IGDCC4: variants seen among roughly 807,000 people sequenced by gnomAD.
The protein encoded by IGDCC4 is likely ortholog of mouse neighbor of Punc E11.
Under a neutral mutation model 116.6 loss-of-function variants are expected in IGDCC4, and 72 were observed. That is an observed-to-expected ratio of 0.62 (90% CI 0.51 to 0.75). The LOEUF (loss-of-function observed/expected upper bound fraction) is 0.75. Among genes scored for constraint, IGDCC4 ranks in the 30% least tolerant of loss-of-function variants. The probability of loss-of-function intolerance (pLI) is 0.00; values close to 1 mark genes in which losing one functional copy is unlikely to be tolerated. For synonymous variants in IGDCC4, 709 were observed against 719.9 expected (o/e 0.98, Z 0.24); for missense variants, 1,501 against 1,662.4 (o/e 0.90, Z 1.69).
At chr15:65,407,863 T>C (rs2063054592) in intron 3 of IGDCC4, among the ~76,000 whole-genome samples, 1 of 149,810 alleles carries the variant, frequency 6.7e-6, no homozygotes, top group Non-Finnish European at 1.5e-5. Context: ...CTCGAACTCC[T>C]GACCTTGTGA....
rs560429290 is a variant in IGDCC4, at chr15:65,390,758, A to AATAG, written c.2225-424_2225-421dup. 9.2e-5 allele frequency among the ~76,000 whole-genome samples: 14 copies of AATAG among 152,348 alleles called. No homozygotes were observed. The South Asian group carries it at 2.7e-3, about 29-fold the overall frequency. On this transcript the variant is annotated intron_variant, in intron 12 of 19. Transcript: ENST00000352385. ...GGATTAAATTATTTAATATTTTAAA[A>AATAG]ATAGATAGGAAATTGAAATATAATA...
chr15:65,401,829 C>T lies in IGDCC4; in HGVS notation c.700+522G>A, dbSNP rs534522381. Among the ~76,000 whole-genome samples, 18 of 152,282 alleles carry T rather than the reference C, an allele frequency of 1.2e-4. No homozygotes were observed. In the South Asian group the frequency reaches 1.4e-3, roughly 12 times the overall value. ...AGGATTCAAACCAGGTCTTTCCAACCCCAAAGACTGTGCCCTTCCTAATCC... is the reference window on the plus strand; with the variant it reads ...AGGATTCAAACCAGGTCTTTCCAACTCCAAAGACTGTGCCCTTCCTAATCC... On this transcript the variant is annotated intron_variant, in intron 4 of 19. Coordinates refer to ENST00000352385, the MANE Select transcript of IGDCC4 (RefSeq NM_020962.3).
Position 65,392,285 on chromosome 15 carries a change from C to A in IGDCC4, c.1971G>T (p.Gln657His), listed in dbSNP as rs1472303393. The change falls in exon 11 of 20, where the codon CAG (glutamine) becomes CAT (histidine). Residue 657 changes from glutamine to histidine, a missense_variant. Gln to His is a conservative substitution (Grantham distance 24, BLOSUM62 0). This residue lies in a region of IGDCC4 where 898 missense variants were observed against 978.9 expected (regional missense o/e 0.92). Transcript: ENST00000352385. ...GCCAATATAGTTTGTAGCCAGAGAT[C>A]TGGGTGGGGTGAGGGGGTGGCTGCC... ...VSWQPPPHPT[Q>H]ISGYKLYWRE... 1.2e-6 allele frequency: 2 copies of A among 1,604,516 alleles called. No homozygotes were observed. Among genetic ancestry groups the A allele is most frequent in the Non-Finnish European group, 1.7e-6 (2 of 1,173,930 alleles).
At chr15:65,421,976 T>G (rs56973324) in intron 1 of IGDCC4, among the ~76,000 whole-genome samples, 1 of 152,094 alleles carries the variant, frequency 6.6e-6, no homozygotes, top group African/African-American at 2.4e-5. Flanking sequence ...GGCTGCGGAC[T>G]GGATGAGGCC....
chr15:65,401,954 G>A (rs1289798985), intron 4 of IGDCC4, among the ~76,000 whole-genome samples: 1 of 142,546 alleles, frequency 7.0e-6, no homozygotes, highest in South Asian at 2.4e-4. Context: ...AGAGAGGGAC[G>A]AACCCCCAGT....
At chr15:65,413,024 ATGTGTGTGTGTG>A (rs59690408) in intron 1 of IGDCC4, among the ~76,000 whole-genome samples, 78 of 145,964 alleles carry the variant, frequency 5.3e-4, no homozygotes, top group Non-Finnish European at 9.1e-4. Context: ...GTGTGAGAAA[ATGTGTGTGTGTG>A]TGTGTGTGTG....
intron 3 of IGDCC4, among the ~76,000 whole-genome samples, chr15:65,408,298 G>A (rs1177487703): frequency 2.6e-5 from 4 of 152,150 alleles, no homozygotes; most frequent in African/African-American, 9.7e-5. Flanking sequence ...CTCTCTGGGG[G>A]GCATCAGGAG....
chr15:65,395,371 A>G, intron 7 of IGDCC4, 113 bp from the exon 8 acceptor site: 1 of 1,060,866 alleles, frequency 9.4e-7, no homozygotes, highest in Non-Finnish European at 1.3e-6. Context: ...TAGCTAAATC[A>G]TCCCAGATAA....
chr15:65,409,568 G>T (rs2063070783), intron 3 of IGDCC4, among the ~76,000 whole-genome samples: 1 of 152,206 alleles, frequency 6.6e-6, no homozygotes, highest in Admixed American at 6.5e-5. Context: ...GCCACAAGAG[G>T]GACCAAGTCC....
chr15:65,395,368 A>G, intron 7 of IGDCC4, 110 bp from the exon 8 acceptor site: 2 of 1,096,532 alleles, frequency 1.8e-6, no homozygotes, highest in Non-Finnish European at 2.6e-6. Context: ...TTATAGCTAA[A>G]TCATCCCAGA....
At position 65,385,731 on chromosome 15, in the gene IGDCC4, G is replaced by A. The variant is rs1225811486; in HGVS notation, c.3180+100C>T. 2.2e-5 allele frequency: 22 copies of A among 1,004,394 alleles called. No individual in the cohort carries two copies. The East Asian group carries it at 5.0e-4, about 23-fold the overall frequency. The allele number at this position is 1,004,394 out of a possible 1,614,324, so 62.2% of individuals were successfully genotyped here. A position where few individuals can be genotyped will look rare whatever the true frequency, so the allele number is the denominator to read the frequency against. ...GGCCCTAGCGTCCGCAGCCGGCTCCGAAGAGGAGGTAGAGCCATGCTCGCA... is the reference window on the plus strand; with the variant it reads ...GGCCCTAGCGTCCGCAGCCGGCTCCAAAGAGGAGGTAGAGCCATGCTCGCA... On this transcript the variant is annotated intron_variant, in intron 18 of 19. Transcript: ENST00000352385.
intron 17 of IGDCC4, 99 bp downstream of exon 17, chr15:65,386,452 G>T: frequency 1.0e-6 from 1 of 990,406 alleles, no homozygotes; most frequent in Non-Finnish European, 1.5e-6. Flanking sequence ...GCTCCTGGGA[G>T]TGCCAAGGGC....
chr15:65,404,246 C>T (rs2063019401), intron 3 of IGDCC4, among the ~76,000 whole-genome samples: 1 of 152,206 alleles, frequency 6.6e-6, no homozygotes, highest in Non-Finnish European at 1.5e-5. Flanking sequence ...CTCTTTCCTG[C>T]ATCACACAGG....
Position 65,396,129 on chromosome 15 carries a change from C to A in IGDCC4, c.1032G>T (p.Leu344=). Residue 344 remains leucine, a synonymous_variant, in exon 7 of 20, where the codon CTG becomes CTT. Coordinates refer to ENST00000352385, the MANE Select transcript of IGDCC4 (RefSeq NM_020962.3). ...GCGCTGTGCTCGCCCGCGTCCGCGA[C>A]AGCGCCTCGGGCGCCTGAGTGATGG... ...APAITQAPEA[L]SRTRASTARF... is the part of the protein sequence containing the mutation. The A allele has an allele frequency of 6.8e-7, 1 of 1,460,940 alleles. No individual in the cohort carries two copies. Among genetic ancestry groups the A allele is most frequent in the Non-Finnish European group, 9.0e-7 (1 of 1,113,436 alleles). The allele number at this position is 1,460,940 out of a possible 1,614,324, so 90.5% of individuals were successfully genotyped here.
intron 2 of IGDCC4, 110 bp downstream of exon 2, chr15:65,410,910 G>T: frequency 1.3e-6 from 1 of 788,752 alleles, no homozygotes; most frequent in East Asian, 2.7e-5. Context: ...GGGAAAGGGG[G>T]AGTGGGATCA....
At position 65,392,201 on chromosome 15, in the gene IGDCC4, G is replaced by A. The variant is rs1040904095; in HGVS notation, c.2055C>T (p.Asp685=). The change falls in exon 11 of 20, where the codon GAC becomes GAT. Residue 685 remains aspartate (D), a synonymous_variant. Coordinates refer to ENST00000352385, the MANE Select transcript of IGDCC4 (RefSeq NM_020962.3). Reference sequence around the variant, plus strand: ...GGACAGGCCCCACATCCCAAGCCTGGTCTCCACGGCCCCCTGGCAGGCGAT... The same window carrying A: ...GGACAGGCCCCACATCCCAAGCCTGATCTCCACGGCCCCCTGGCAGGCGAT... ...NGDRLPGGRG[D]QAWDVGPVRL... 3.1e-6 allele frequency: 5 copies of A among 1,613,728 alleles called. 1 individual carries two copies. In the African/African-American group the frequency reaches 6.7e-5, roughly 22 times the overall value.
At chr15:65,395,024 G>C (rs1030380861) in intron 8 of IGDCC4, 70 bp downstream of exon 8, 4 of 1,501,630 alleles carry the variant, frequency 2.7e-6, no homozygotes, top group Non-Finnish European at 2.7e-6. Flanking sequence ...TTAGTAAAGA[G>C]AGGGTGAGCT....
intron 4 of IGDCC4, among the ~76,000 whole-genome samples, 197 bp downstream of exon 4, chr15:65,402,154 G>T (rs563901561): frequency 5.3e-4 from 81 of 152,230 alleles, no homozygotes; most frequent in Non-Finnish European, 7.6e-4. Context: ...CTGGGGTCTT[G>T]TGTTCCAGCC....
rs1016187772 is a variant in IGDCC4, at chr15:65,382,086, T to C, written c.*1923A>G. 1.3e-5 allele frequency: 2 copies of C among 151,978 alleles called. No individual in the cohort carries two copies. The highest frequency in any genetic ancestry group is 2.9e-5 in the Non-Finnish European group (2 of 67,994). 9.4% of individuals were successfully genotyped at this position (151,978 alleles called of 1,614,324 possible). A position where few individuals can be genotyped will look rare whatever the true frequency, so the allele number is the denominator to read the frequency against. ...CCATTTAATTCAGGGCAGTTTTTTT[T>C]TCTTCTTTAAAAAAAAAAAATCAAA... is the stretch of plus-strand genomic sequence containing the variant. On this transcript the variant is annotated 3_prime_UTR_variant, in exon 20 of 20. Coordinates refer to ENST00000352385, the MANE Select transcript of IGDCC4 (RefSeq NM_020962.3).
Sources: gnomAD v4.1 joint callset for allele counts (sites outside exome capture counted in the v4.1 genomes callset) on GRCh38, gnomAD v4.1.1 for gene constraint, gnomAD v4.1.1 regional missense constraint, MANE v1.5 for transcripts, NCBI Gene and HGNC (gene_info 2026-07-23, HGNC 2026-07-21) for gene names.